RBFOX1: variants seen among roughly 807,000 people sequenced by gnomAD.
The protein encoded by RBFOX1 is RNA binding fox-1 homolog 1.
In RBFOX1, 8 loss-of-function variants were observed where a neutral mutation model predicts 57.7. That is an observed-to-expected ratio of 0.14 (90% CI 0.08 to 0.25). The LOEUF (loss-of-function observed/expected upper bound fraction) is 0.25. Among genes scored for constraint, RBFOX1 ranks in the 10% least tolerant of loss-of-function variants. The pLI, the probability that RBFOX1 is intolerant of heterozygous loss-of-function variation, is 1.00. For synonymous variants in RBFOX1, 326 were observed against 222.4 expected, an observed-to-expected ratio of 1.47 and a Z score of -4.15; for missense variants, 611 against 548.5, an observed-to-expected ratio of 1.11 and a Z score of -1.14.
At chr16:6,637,409 AT>A (rs2098452524) in intron 2 of RBFOX1, among the ~76,000 whole-genome samples, 1 of 39,390 alleles carries the variant, frequency 2.5e-5, no homozygotes, top group African/African-American at 8.3e-5. Flanking sequence ...AAATATATAT[AT>A]TATATAATAT....
rs71150303 is a variant in RBFOX1, at chr16:7,496,747, G to GA, written c.28-21388dup. ...TTCTCATAGAAAAGACTACAGAACA[G>GA]AAAAAAAAAAAACAGTTTGCATTGT... On this transcript the variant is annotated intron_variant, in intron 4 of 15. Coordinates refer to ENST00000550418, the MANE Select transcript of RBFOX1 (RefSeq NM_018723.4). 3.0e-3 allele frequency among the ~76,000 whole-genome samples: 383 copies of GA among 127,478 alleles called. 8 individuals are homozygous for GA. The highest frequency in any genetic ancestry group is 0.015 in the East Asian group (62 of 4,158). The allele number at this position is 127,478 out of a possible 152,430, so 83.6% of individuals were successfully genotyped here.
chr16:6,560,790 C>G (rs886086398), intron 2 of RBFOX1, among the ~76,000 whole-genome samples: 3 of 152,104 alleles, frequency 2.0e-5, no homozygotes, highest in African/African-American at 4.8e-5. Flanking sequence ...GACTGTAGGC[C>G]CTAAGAGGGC....
intron 3 of RBFOX1, among the ~76,000 whole-genome samples, chr16:6,988,259 C>T (rs991556362): frequency 2.0e-5 from 3 of 152,160 alleles, no homozygotes; most frequent in African/African-American, 7.2e-5. Flanking sequence ...GCAGGACTTT[C>T]TCCTCTCAGC....
intron 2 of RBFOX1, among the ~76,000 whole-genome samples, chr16:5,506,394 T>A (rs369353695): frequency 4.9e-4 from 74 of 152,352 alleles, no homozygotes; most frequent in African/African-American, 1.7e-3. Flanking sequence ...CCGTGGACTC[T>A]AAACCCCAAT....
At chr16:5,483,563 T>G (rs2069620548) in intron 2 of RBFOX1, among the ~76,000 whole-genome samples, 1 of 152,232 alleles carries the variant, frequency 6.6e-6, no homozygotes, top group Admixed American at 6.5e-5. Flanking sequence ...ACCGTAGCTG[T>G]CAGGCTCTGC....
intron 4 of RBFOX1, among the ~76,000 whole-genome samples, chr16:5,908,769 T>C (rs1372187033): frequency 3.3e-5 from 5 of 152,128 alleles, no homozygotes; most frequent in African/African-American, 1.2e-4. Flanking sequence ...TCCTAATTCA[T>C]GTGTTGAAAC....
intron 1 of RBFOX1, among the ~76,000 whole-genome samples, chr16:5,255,321 C>CA (rs1394666959): frequency 3.4e-5 from 4 of 116,822 alleles, no homozygotes; most frequent in Middle Eastern, 3.7e-3. Flanking sequence ...TCCACACTTC[C>CA]TTCCATCCAT....
chr16:5,956,678 A>ATTTATATATATATATATATT (rs1555456300), intron 4 of RBFOX1, among the ~76,000 whole-genome samples: 1 of 116,506 alleles, frequency 8.6e-6, no homozygotes, highest in African/African-American at 3.5e-5. Context: ...ATATATATAT[A>ATTTATATATATATATATATT]TTTTTTTTGA....
chr16:7,679,330 A>G (rs909529129), intron 14 of RBFOX1, among the ~76,000 whole-genome samples: 1 of 152,218 alleles, frequency 6.6e-6, no homozygotes, highest in Admixed American at 6.5e-5. Context: ...TGTGTAACCA[A>G]TTATTTTTAT....
chr16:7,213,889 G>C (rs1261119714), intron 4 of RBFOX1, among the ~76,000 whole-genome samples: 1 of 152,104 alleles, frequency 6.6e-6, no homozygotes, highest in Non-Finnish European at 1.5e-5. Flanking sequence ...GACAGCTAGA[G>C]GGCTTTGCCA....
At chr16:7,245,621 C>G (rs974663497) in intron 4 of RBFOX1, among the ~76,000 whole-genome samples, 5 of 152,148 alleles carry the variant, frequency 3.3e-5, no homozygotes, top group Non-Finnish European at 2.9e-5. Flanking sequence ...TTTTGGAGAG[C>G]TAGAGAAAGA....
chr16:6,171,682 T>C (rs941243790), intron 1 of RBFOX1, among the ~76,000 whole-genome samples: 1 of 152,164 alleles, frequency 6.6e-6, no homozygotes, highest in Non-Finnish European at 1.5e-5. Flanking sequence ...CATAAGTGAC[T>C]TGTGGACATC....
At chr16:7,708,021 A>G (rs1313290532) in intron 14 of RBFOX1, among the ~76,000 whole-genome samples, 2 of 152,168 alleles carry the variant, frequency 1.3e-5, no homozygotes, top group Non-Finnish European at 2.9e-5. Context: ...GATACGGTGG[A>G]CCAAGCACGC....
chr16:5,888,354 A>C (rs1326857443), intron 4 of RBFOX1, among the ~76,000 whole-genome samples: 1 of 151,756 alleles, frequency 6.6e-6, no homozygotes, highest in Non-Finnish European at 1.5e-5. Context: ...TTAATGACTT[A>C]TCACAATTTA....
chr16:6,386,399 C>G (rs570753024), intron 2 of RBFOX1, among the ~76,000 whole-genome samples: 1 of 152,152 alleles, frequency 6.6e-6, no homozygotes, highest in Non-Finnish European at 1.5e-5. Flanking sequence ...GATTATCATC[C>G]ACTTCTTGCT....
chr16:6,362,671 G>A (rs1384228155), intron 2 of RBFOX1, among the ~76,000 whole-genome samples: 2 of 152,200 alleles, frequency 1.3e-5, no homozygotes, highest in Non-Finnish European at 2.9e-5. Flanking sequence ...TTAACCAGAA[G>A]GTGACTGGTT....
chr16:6,917,474 G>A (rs556074375), intron 3 of RBFOX1, among the ~76,000 whole-genome samples: 14 of 152,250 alleles, frequency 9.2e-5, no homozygotes, highest in East Asian at 7.7e-4. Context: ...TTCTGTCTCC[G>A]CCTTCTTTAA....
chr16:5,240,967 T>C lies in RBFOX1; in HGVS notation c.219+862T>C, dbSNP rs1417763789. On this transcript the variant is annotated intron_variant, in intron 1 of 2. Coordinates refer to the RBFOX1 transcript ENST00000585867. ...TCAGTGAGGGCCGCCACCTTGATGGTTTTTGATGGATAATGGGGTTGACCT... is the reference window on the plus strand; with the variant it reads ...TCAGTGAGGGCCGCCACCTTGATGGCTTTTGATGGATAATGGGGTTGACCT... Among the ~76,000 whole-genome samples, 7 of 152,308 alleles carry C rather than the reference T, an allele frequency of 4.6e-5. No individual in the cohort carries two copies. The South Asian group carries it at 1.0e-3, about 23-fold the overall frequency.
At chr16:5,749,273 C>A (rs1054962219) in intron 3 of RBFOX1, among the ~76,000 whole-genome samples, 7 of 152,126 alleles carry the variant, frequency 4.6e-5, no homozygotes, top group African/African-American at 1.7e-4. Flanking sequence ...TGTAACCCGA[C>A]CTTTCTCTCT....
Sources: gnomAD v4.1 joint callset for allele counts (sites outside exome capture counted in the v4.1 genomes callset) on GRCh38, gnomAD v4.1.1 for gene constraint, MANE v1.5 for transcripts, NCBI Gene and HGNC (gene_info 2026-07-23, HGNC 2026-07-21) for gene names.